INSL6: variants seen among roughly 807,000 people sequenced by gnomAD.
INSL6 encodes the protein insulin-like peptide INSL6.
In INSL6, 16 loss-of-function variants were observed where a neutral mutation model predicts 9.4. The observed-to-expected ratio is 1.70, with a 90% CI of 1.15 to 2.59. The LOEUF (loss-of-function observed/expected upper bound fraction) is 2.59. Ranked by LOEUF, INSL6 falls within the 30% of genes most tolerant of loss-of-function variation. The probability of loss-of-function intolerance (pLI) is 0.00; values close to 1 mark genes in which losing one functional copy is unlikely to be tolerated. For missense variants in INSL6, 391 were observed against 257.3 expected (o/e 1.52, Z -3.56); for synonymous variants, 154 against 96.9 (o/e 1.59, Z -3.46).
chr9:5,062,500 TAAAAAAAAAAAA>T, the INSL6 span, among the ~76,000 whole-genome samples: 576 of 58,252 alleles, frequency 9.9e-3, 17 homozygotes, highest in African/African-American at 0.057. Flanking sequence ...CTTCCATTTG[TAAAAAAAAAAAA>T]AAAAAAAAAA....
the INSL6 span, among the ~76,000 whole-genome samples, chr9:5,089,352 C>G: frequency 6.6e-5 from 10 of 152,008 alleles, no homozygotes; most frequent in Admixed American, 6.5e-4. Context: ...TCCTGGCTAA[C>G]ACAGCGAAAC....
the INSL6 span, among the ~76,000 whole-genome samples, chr9:5,012,584 T>G: frequency 3.9e-5 from 6 of 152,188 alleles, no homozygotes; most frequent in Non-Finnish European, 8.8e-5. Flanking sequence ...GATCCCGAAA[T>G]TATACCGTAT....
At chr9:5,088,903 T>C in the INSL6 span, among the ~76,000 whole-genome samples, 2 of 152,236 alleles carry the variant, frequency 1.3e-5, no homozygotes, top group African/African-American at 2.4e-5. Context: ...TACAGTCATA[T>C]TGGGGGTTAA....
At chr9:5,106,042 C>T in the INSL6 span, among the ~76,000 whole-genome samples, 2 of 152,126 alleles carry the variant, frequency 1.3e-5, no homozygotes, top group African/African-American at 4.8e-5. Flanking sequence ...ACAAAGGCAA[C>T]CAAAGCCAAA....
At chr9:5,005,220 G>T in the INSL6 span, among the ~76,000 whole-genome samples, 2 of 147,462 alleles carry the variant, frequency 1.4e-5, no homozygotes, top group South Asian at 4.3e-4. Flanking sequence ...AAAGTTTTGG[G>T]ATTACAGGGT....
At chr9:5,140,463 C>T (rs1328908586) in intron 2 of INSL6, among the ~76,000 whole-genome samples, 6 of 152,106 alleles carry the variant, frequency 3.9e-5, no homozygotes, top group African/African-American at 1.4e-4. Flanking sequence ...TCTTCTTTTA[C>T]ACTCCCCCAT....
chr9:5,085,470 A>C, the INSL6 span: 2 of 727,622 alleles, frequency 2.7e-6, no homozygotes, highest in Middle Eastern at 2.4e-4. Context: ...GGTATTGTGC[A>C]AATCTCTCAT....
At chr9:5,116,226 A>G in the INSL6 span, among the ~76,000 whole-genome samples, 2 of 152,210 alleles carry the variant, frequency 1.3e-5, no homozygotes, top group African/African-American at 2.4e-5. Context: ...TGGCATGACT[A>G]GTAAATCACT....
chr9:5,142,553 G>C lies in INSL6; in HGVS notation c.377-8961C>G, dbSNP rs12344237. Among the ~76,000 whole-genome samples the C allele has an allele frequency of 1.8e-3, 268 of 152,294 alleles. 1 individual carries two copies. Among genetic ancestry groups the C allele is most frequent in the African/African-American group, 6.1e-3 (255 of 41,556 alleles). On this transcript the variant is annotated intron_variant, in intron 2 of 3. Coordinates refer to the INSL6 transcript ENST00000649639. ...TAGTGATGTTCTGCAAATTGATCTT[G>C]TATCCTGAGGCTTTGCTGAAGCTGT...
chr9:5,141,769 C>T (rs1824506243), intron 2 of INSL6, among the ~76,000 whole-genome samples: 1 of 151,902 alleles, frequency 6.6e-6, no homozygotes, highest in African/African-American at 2.4e-5. Flanking sequence ...TTGGTTTTGT[C>T]ATCTTCACCA....
At chr9:5,017,031 C>G in the INSL6 span, among the ~76,000 whole-genome samples, 2 of 152,264 alleles carry the variant, frequency 1.3e-5, no homozygotes, top group South Asian at 4.1e-4. Context: ...AAAAATATTG[C>G]AGAACATTGC....
the INSL6 span, chr9:5,041,028 C>T: frequency 1.5e-3 from 981 of 669,666 alleles, 9 homozygotes; most frequent in African/African-American, 0.015. Context: ...ACCTGGGTAC[C>T]GGTTCTACAA....
chr9:5,023,344 T>G, the INSL6 span, among the ~76,000 whole-genome samples: 1 of 152,170 alleles, frequency 6.6e-6, no homozygotes, highest in African/African-American at 2.4e-5. Context: ...ATTACATTCT[T>G]TTTTACGATG....
the INSL6 span, among the ~76,000 whole-genome samples, chr9:4,999,722 T>G: frequency 6.6e-6 from 1 of 152,228 alleles, no homozygotes; most frequent in African/African-American, 2.4e-5. Context: ...GTGCTAGGAT[T>G]ACAGGCGTGA....
At chr9:4,996,423 G>A in the INSL6 span, among the ~76,000 whole-genome samples, 1 of 151,592 alleles carries the variant, frequency 6.6e-6, no homozygotes, top group Non-Finnish European at 1.5e-5. Flanking sequence ...ACTCTAGCCT[G>A]GGCAACAAGA....
At chr9:5,074,600 ATCAATGAGCCATTCC>A in the INSL6 span, among the ~76,000 whole-genome samples, 1 of 152,208 alleles carries the variant, frequency 6.6e-6, no homozygotes, top group African/African-American at 2.4e-5. Flanking sequence ...TGACTGCTCC[ATCAATGAGCCATTCC>A]TCTGTCTCTC....
At chr9:5,022,228 A>G in the INSL6 span, 1 of 1,582,914 alleles carries the variant, frequency 6.3e-7, no homozygotes, top group Non-Finnish European at 8.7e-7. Context: ...GTATTAAAAA[A>G]CAGCATTTTC....
the INSL6 span, among the ~76,000 whole-genome samples, chr9:5,028,568 T>C: frequency 6.6e-6 from 1 of 152,238 alleles, no homozygotes; most frequent in African/African-American, 2.4e-5. Flanking sequence ...TTTCTAGCTA[T>C]GAAACTACTC....
At chr9:5,078,171 T>C in the INSL6 span, 2 of 639,504 alleles carry the variant, frequency 3.1e-6, no homozygotes, top group Non-Finnish European at 5.2e-6. Flanking sequence ...TTTCCTTTTT[T>C]CTCAATGCAT....
Sources: gnomAD v4.1 joint callset for allele counts (sites outside exome capture counted in the v4.1 genomes callset) on GRCh38, gnomAD v4.1.1 for gene constraint, MANE v1.5 for transcripts, NCBI Gene and HGNC (gene_info 2026-07-23, HGNC 2026-07-21) for gene names.